The following RALGPS2 variants were observed in gnomAD, a reference collection of about 807,000 sequenced individuals.
The protein encoded by RALGPS2 is ras-specific guanine nucleotide-releasing factor RalGPS2.
RALGPS2 carries 43 observed loss-of-function variants against 86.8 expected under a neutral mutation model. The ratio of observed to expected loss-of-function variants is 0.50; its 90% CI spans 0.39 to 0.64. The LOEUF (loss-of-function observed/expected upper bound fraction) is 0.64, where lower values mean the gene tolerates loss of function less well. Ranked by LOEUF, RALGPS2 falls within the 30% of genes least tolerant of loss-of-function variation. RALGPS2 has a pLI of 0.00. For synonymous variants in RALGPS2, 243 were observed against 231.3 expected, an observed-to-expected ratio of 1.05 and a Z score of -0.46; for missense variants, 536 against 694.6, an observed-to-expected ratio of 0.77 and a Z score of 2.57.
At chr1:178,816,811 C>T (rs1350065310) in intron 6 of RALGPS2, among the ~76,000 whole-genome samples, 2 of 150,968 alleles carry the variant, frequency 1.3e-5, no homozygotes, top group Non-Finnish European at 3.0e-5. Flanking sequence ...TAGGTTCAAG[C>T]GATTCTCCTG....
At chr1:178,853,367 A>T (rs1456798344) in intron 8 of RALGPS2, among the ~76,000 whole-genome samples, 2 of 152,166 alleles carry the variant, frequency 1.3e-5, no homozygotes, top group African/African-American at 4.8e-5. Flanking sequence ...AGTCATCCAG[A>T]CTGAAAGGGA....
intron 1 of RALGPS2, among the ~76,000 whole-genome samples, chr1:178,751,318 C>G (rs1166610113): frequency 2.0e-5 from 3 of 152,104 alleles, no homozygotes; most frequent in Non-Finnish European, 4.4e-5. Context: ...ATCTCAGATA[C>G]CAGATTCTCT....
intron 17 of RALGPS2, among the ~76,000 whole-genome samples, chr1:178,901,030 A>G (rs942788376): frequency 1.3e-4 from 20 of 152,072 alleles, no homozygotes; most frequent in African/African-American, 4.3e-4. Flanking sequence ...TGGTAGGGCC[A>G]ATTTCATTCT....
intron 4 of RALGPS2, among the ~76,000 whole-genome samples, chr1:178,795,691 G>A (rs1259809065): frequency 5.9e-5 from 9 of 152,154 alleles, no homozygotes; most frequent in Non-Finnish European, 1.2e-4. Flanking sequence ...TGGATTACAG[G>A]TGTAGCCACC....
At position 178,833,543 on chromosome 1, in the gene RALGPS2, C is replaced by T; in HGVS notation, c.600C>T (p.Pro200=). 6.5e-7 allele frequency: 1 copy of T among 1,528,670 alleles called. No individual in the cohort carries two copies. Among genetic ancestry groups the T allele is most frequent in the African/African-American group, 1.5e-5 (1 of 68,934 alleles). 94.7% of individuals were successfully genotyped at this position (1,528,670 alleles called of 1,614,324 possible). Residue 200 remains proline (P), a synonymous_variant, in exon 8 of 20, where the codon CCC becomes CCT. Coordinates refer to ENST00000367635, the MANE Select transcript of RALGPS2 (RefSeq NM_152663.5). ...GCTTAAAGATGACACCTTGCATTCC[C>T]TATTTAGGTGAGTTATGTCACTGTG... The part of the protein sequence containing the change: ...ISSLKMTPCI[P]YLGIYLSDLT...
intron 4 of RALGPS2, among the ~76,000 whole-genome samples, chr1:178,804,357 A>G (rs929162570): frequency 1.4e-5 from 2 of 142,562 alleles, no homozygotes; most frequent in African/African-American, 2.6e-5. Context: ...TACATGTGCC[A>G]TGCTGGTGTG....
At chr1:178,874,086 A>G (rs1658890173) in intron 8 of RALGPS2, among the ~76,000 whole-genome samples, 1 of 152,208 alleles carries the variant, frequency 6.6e-6, no homozygotes, top group Admixed American at 6.5e-5. Flanking sequence ...AAGCTCAAAA[A>G]TAGGCAAAAG....
chr1:178,753,275 A>T (rs1009246575), intron 1 of RALGPS2, among the ~76,000 whole-genome samples: 1 of 152,194 alleles, frequency 6.6e-6, no homozygotes, highest in Admixed American at 6.5e-5. Context: ...CATTTGAAAG[A>T]TACAACACTT....
chr1:178,773,494 G>C (rs748508005), intron 1 of RALGPS2, among the ~76,000 whole-genome samples: 1 of 152,186 alleles, frequency 6.6e-6, no homozygotes, highest in South Asian at 2.1e-4. Flanking sequence ...TTTGAAGGAC[G>C]TACTAAAAGA....
intron 18 of RALGPS2, among the ~76,000 whole-genome samples, 153 bp downstream of exon 18, chr1:178,902,364 CAAGAG>C (rs1558179354): frequency 1.3e-5 from 2 of 152,030 alleles, no homozygotes; most frequent in Non-Finnish European, 2.9e-5. Context: ...CTGGAATACT[CAAGAG>C]AGAAAGTATT....
At chr1:178,839,624 C>T (rs71630203) in intron 8 of RALGPS2, among the ~76,000 whole-genome samples, 2 of 151,906 alleles carry the variant, frequency 1.3e-5, no homozygotes, top group Non-Finnish European at 2.9e-5. Context: ...AAATAACCAG[C>T]GAACATCATA....
chr1:178,877,737 T>C (rs1572441951), intron 9 of RALGPS2, 102 bp downstream of exon 9: 1 of 1,373,772 alleles, frequency 7.3e-7, no homozygotes, highest in East Asian at 2.4e-5. Flanking sequence ...GGGACATCAA[T>C]TTCTTATTTC....
At chr1:178,859,845 T>A (rs1456501259) in intron 8 of RALGPS2, among the ~76,000 whole-genome samples, 1 of 29,380 alleles carries the variant, frequency 3.4e-5, no homozygotes, top group Non-Finnish European at 7.0e-5. Flanking sequence ...ACCGCCCAAG[T>A]AGCTGGGACT....
At chr1:178,733,651 T>C (rs1192293118) in intron 1 of RALGPS2, among the ~76,000 whole-genome samples, 1 of 152,230 alleles carries the variant, frequency 6.6e-6, no homozygotes, top group Admixed American at 6.5e-5. Flanking sequence ...GAAAATTCTT[T>C]GGCAGCATTT....
intron 13 of RALGPS2, among the ~76,000 whole-genome samples, chr1:178,887,911 TG>T (rs1317661890): frequency 1.3e-5 from 2 of 152,170 alleles, no homozygotes; most frequent in Non-Finnish European, 2.9e-5. Context: ...TACACGTCCA[TG>T]GAATTTGGCA....
intron 6 of RALGPS2, among the ~76,000 whole-genome samples, chr1:178,818,355 G>A (rs1359375261): frequency 2.6e-5 from 4 of 152,104 alleles, no homozygotes; most frequent in South Asian, 2.1e-4. Context: ...GCGAGACCAC[G>A]TCTCAAAAAA....
intron 1 of RALGPS2, among the ~76,000 whole-genome samples, chr1:178,733,687 C>G (rs143505882): frequency 6.6e-5 from 10 of 152,312 alleles, no homozygotes; most frequent in Non-Finnish European, 5.9e-5. Context: ...TGTATATGCT[C>G]TGTGATCCAC....
At chr1:178,875,651 G>A (rs915524326) in intron 8 of RALGPS2, among the ~76,000 whole-genome samples, 3 of 152,044 alleles carry the variant, frequency 2.0e-5, no homozygotes, top group Non-Finnish European at 2.9e-5. Flanking sequence ...GGGTGGCTGA[G>A]GCACAAGAAT....
Position 178,785,622 on chromosome 1 carries a change from G to C in RALGPS2, c.213+15G>C. ...TTCAACCAGATGTAAGTAGTTTTGA[G>C]AATGTTCCTTTTAAATATAGAAAAC... On this transcript the variant is annotated intron_variant, in intron 4 of 19. Coordinates refer to ENST00000367635, the MANE Select transcript of RALGPS2 (RefSeq NM_152663.5). 1 of 1,563,980 alleles carries C rather than the reference G, an allele frequency of 6.4e-7. No individual in the cohort carries two copies. Among genetic ancestry groups the C allele is most frequent in the Non-Finnish European group, 8.6e-7 (1 of 1,157,040 alleles).
Sources: gnomAD v4.1 joint callset for allele counts (sites outside exome capture counted in the v4.1 genomes callset) on GRCh38, gnomAD v4.1.1 for gene constraint, MANE v1.5 for transcripts, NCBI Gene and HGNC (gene_info 2026-07-23, HGNC 2026-07-21) for gene names.